PACS2: variants seen among roughly 807,000 people sequenced by gnomAD.
The protein encoded by PACS2 is PACS1-like protein.
Under a neutral mutation model 113.0 loss-of-function variants are expected in PACS2, and 36 were observed. That is an observed-to-expected ratio of 0.32 (90% CI 0.24 to 0.42). The LOEUF is 0.42. Among genes scored for constraint, PACS2 ranks in the 10% least tolerant of loss-of-function variants. The pLI, the probability that PACS2 is intolerant of heterozygous loss-of-function variation, is 1.00. For missense variants in PACS2, 1,015 were observed against 1,239.5 expected, an observed-to-expected ratio of 0.82 and a Z score of 2.72; for synonymous variants, 589 against 536.1, an observed-to-expected ratio of 1.10 and a Z score of -1.36.
chr14:105,354,999 G>C lies in PACS2; in HGVS notation c.298-53G>C. ...TGGCTGGGCCGTCAGAGGCCGTGAT[G>C]CTGCCTGGGGCCCCGGTGCACCCTC... is the stretch of plus-strand genomic sequence containing the variant. On this transcript the variant is annotated intron_variant, in intron 3 of 24. Coordinates refer to ENST00000447393, the MANE Select transcript of PACS2 (RefSeq NM_001100913.3). This position sits in a 1 kb window ranked among gnomAD's most constrained non-coding sequence, Gnocchi z 4.2. The C allele has an allele frequency of 6.3e-7, 1 of 1,593,634 alleles. No homozygotes were observed.
intron 8 of PACS2, chr14:105,371,079 C>T (rs2061132092): frequency 6.6e-6 from 1 of 152,310 alleles, no homozygotes; most frequent in Non-Finnish European, 1.5e-5. Flanking sequence ...TGTGCCGAAA[C>T]AGGTGCTTTG....
intron 1 of PACS2, among the ~76,000 whole-genome samples, chr14:105,322,496 C>T: frequency 6.6e-6 from 1 of 151,164 alleles, no homozygotes. Context: ...GAACTCCTGA[C>T]CTCAAATGAT....
At chr14:105,392,373 G>C in intron 22 of PACS2, 1 of 551,086 alleles carries the variant, frequency 1.8e-6, no homozygotes, top group Non-Finnish European at 3.3e-6. Flanking sequence ...TTGGAGAGCA[G>C]GTGGACAGGC....
intron 1 of PACS2, among the ~76,000 whole-genome samples, chr14:105,341,458 C>T (rs959405349): frequency 1.2e-4 from 18 of 152,186 alleles, no homozygotes; most frequent in African/African-American, 4.3e-4. Context: ...CTTTGCTTCA[C>T]TTTCGTTGCT....
rs781891896 is a variant in PACS2 at position 105,368,461 on chromosome 14, C to T, written c.663C>T (p.Asp221=). 5.0e-6 allele frequency: 8 copies of T among 1,613,534 alleles called. No individual in the cohort carries two copies. The highest frequency in any genetic ancestry group is 1.7e-5 in the Admixed American group (1 of 60,030). Reference sequence around the variant, plus strand: ...AGCCACTGCATATGTCTCTGCAGGACTTGGACGAGGACGACTTTGACGTGG... The same window carrying T: ...AGCCACTGCATATGTCTCTGCAGGATTTGGACGAGGACGACTTTGACGTGG... ...EASDDAVQGQ[D]LDEDDFDVGK... The change falls in exon 7 of 25, where the codon GAC becomes GAT. Residue 221 remains aspartate (D), a splice_region_variant and synonymous_variant. Coordinates refer to ENST00000447393, the MANE Select transcript of PACS2 (RefSeq NM_001100913.3).
At chr14:105,386,881 C>A (rs913823283) in intron 19 of PACS2, among the ~76,000 whole-genome samples, 7 of 152,164 alleles carry the variant, frequency 4.6e-5, no homozygotes, top group Non-Finnish European at 5.9e-5. Context: ...CCCCAGCAGC[C>A]TCCGCCCTTG....
At chr14:105,394,324 C>G in intron 24 of PACS2, 1 of 985,172 alleles carries the variant, frequency 1.0e-6, no homozygotes, top group Non-Finnish European at 1.2e-6. Flanking sequence ...GCCCTCCCCA[C>G]CCCCCAGGGC....
chr14:105,368,228 AC>A, intron 6 of PACS2, 81 bp downstream of exon 6: 1 of 1,061,338 alleles, frequency 9.4e-7, no homozygotes, highest in Non-Finnish European at 1.4e-6. Flanking sequence ...ACCAGCTGTC[AC>A]CAGGGCCTCG....
intron 19 of PACS2, among the ~76,000 whole-genome samples, chr14:105,387,613 G>A (rs2081222078): frequency 6.6e-6 from 1 of 152,370 alleles, no homozygotes; most frequent in South Asian, 2.1e-4. Flanking sequence ...ATTGGCCCAT[G>A]TCCAGGGCTG....
rs1460159692 is a variant in PACS2 at position 105,356,719 on chromosome 14, G to A, written c.423+1542G>A. Reference sequence around the variant, plus strand: ...CCTGTGTTTCCCATTAGCCATGCAGGCGAGGTCCTGCTGATCCCTGCCGGT... The same window carrying A: ...CCTGTGTTTCCCATTAGCCATGCAGACGAGGTCCTGCTGATCCCTGCCGGT... On this transcript the variant is annotated intron_variant, in intron 4 of 24. Coordinates refer to ENST00000447393, the MANE Select transcript of PACS2 (RefSeq NM_001100913.3). The surrounding 1 kb of genome is among the most constrained non-coding windows in gnomAD (Gnocchi z 4.0). Among the ~76,000 whole-genome samples, 1 of 150,614 alleles carries A rather than the reference G, an allele frequency of 6.6e-6. No individual in the cohort carries two copies. Among genetic ancestry groups the A allele is most frequent in the African/African-American group, 2.4e-5 (1 of 40,994 alleles).
chr14:105,360,337 C>T (rs782431064), intron 4 of PACS2, among the ~76,000 whole-genome samples: 3 of 151,914 alleles, frequency 2.0e-5, no homozygotes, highest in South Asian at 4.2e-4. Flanking sequence ...GTCAGGTGTT[C>T]GAAACCAGCC....
At position 105,384,872 on chromosome 14, in the gene PACS2, C is replaced by T. The variant is rs782726123; in HGVS notation, c.1892-7C>T. The T allele has an allele frequency of 1.0e-5, 16 of 1,555,532 alleles. No individual in the cohort carries two copies. The highest frequency in any genetic ancestry group is 1.1e-5 in the Non-Finnish European group (13 of 1,143,898). ...GCCTAACCCCCCACCGCCTCCTCCC[C>T]CTGCAGTACAGGACACGCCAGACAT... On this transcript the variant is annotated splice_polypyrimidine_tract_variant and splice_region_variant and intron_variant, in intron 17 of 24. Transcript: ENST00000447393.
At chr14:105,383,951 C>T (rs1177884161) in intron 16 of PACS2, 5 of 285,056 alleles carry the variant, frequency 1.8e-5, no homozygotes, top group Admixed American at 4.9e-5. Context: ...TCTTTAGGTC[C>T]ATACGATGTG....
intron 9 of PACS2, among the ~76,000 whole-genome samples, chr14:105,378,607 CTA>C (rs1469071833): frequency 1.3e-5 from 2 of 152,194 alleles, no homozygotes; most frequent in Non-Finnish European, 2.9e-5. Context: ...CAGGGTCTCC[CTA>C]TGTTTCCCAG....
At position 105,357,964 on chromosome 14, in the gene PACS2, G is replaced by A. The variant is rs2060520085; in HGVS notation, c.423+2787G>A. 6.6e-6 allele frequency among the ~76,000 whole-genome samples: 1 copy of A among 152,214 alleles called. No individual in the cohort carries two copies. Among genetic ancestry groups the A allele is most frequent in the Admixed American group, 6.5e-5 (1 of 15,288 alleles). On this transcript the variant is annotated intron_variant, in intron 4 of 24. Coordinates refer to ENST00000447393, the MANE Select transcript of PACS2 (RefSeq NM_001100913.3). This position sits in a 1 kb window ranked among gnomAD's most constrained non-coding sequence, Gnocchi z 5.1. Reference sequence around the variant, plus strand: ...CCAGGGCTGAGAGTGTGGTGGGAGAGGATGTGGGGGGCACCTGCCCAGGAC... The same window carrying A: ...CCAGGGCTGAGAGTGTGGTGGGAGAAGATGTGGGGGGCACCTGCCCAGGAC...
At position 105,384,023 on chromosome 14, in the gene PACS2, G is replaced by A. The variant is rs1272519512; in HGVS notation, c.1781-330G>A. The A allele has an allele frequency of 1.1e-5, 4 of 348,548 alleles. No homozygotes were observed. In the East Asian group the frequency reaches 1.9e-4, roughly 17 times the overall value. 21.6% of individuals were successfully genotyped at this position (348,548 alleles called of 1,614,324 possible). A position where few individuals can be genotyped will look rare whatever the true frequency, so the allele number is the denominator to read the frequency against. On this transcript the variant is annotated intron_variant, in intron 16 of 24. Transcript: ENST00000447393. The stretch of plus-strand genomic sequence containing the variant: ...TTGACCAGCAGCAAGGCCTGGAGGC[G>A]ACACCTCTCCCGTGTGGCCCTCACG...
chr14:105,383,475 A>G lies in PACS2; in HGVS notation c.1742A>G (p.Asp581Gly), dbSNP rs1481804057. The G allele has an allele frequency of 1.9e-6, 3 of 1,606,748 alleles. No individual in the cohort carries two copies. Among genetic ancestry groups the G allele is most frequent in the Non-Finnish European group, 2.5e-6 (3 of 1,178,118 alleles). The change falls in exon 16 of 25, where the codon GAC becomes GGC. Residue 581 changes from aspartate to glycine, a missense_variant. Asp to Gly is a moderately conservative substitution (Grantham distance 94). Around this residue, in one of 3 missense-constraint regions of PACS2, gnomAD observed 859 missense variants for 1,056.8 expected, o/e 0.81. Coordinates refer to ENST00000447393, the MANE Select transcript of PACS2 (RefSeq NM_001100913.3). ...FVEQLSHKTP[D>G]WLGYMRFLVI... ...GAGCAGCTGTCCCACAAGACACCCG[A>G]CTGGCTCGGCTACATGCGCTTCCTG...
chr14:105,355,981 G>T lies in PACS2; in HGVS notation c.423+804G>T, dbSNP rs1034810950. On this transcript the variant is annotated intron_variant, in intron 4 of 24. Transcript: ENST00000447393. The surrounding 1 kb of genome is among the most constrained non-coding windows in gnomAD (Gnocchi z 4.1). ...GGTCCAGGGGCTGCGGGCGTGAGTG[G>T]TGCTTGGGGCATGTGAAGCTGGGTT... 2.6e-5 allele frequency among the ~76,000 whole-genome samples: 4 copies of T among 152,290 alleles called. No homozygotes were observed. The East Asian group carries it at 7.7e-4, about 29-fold the overall frequency.
At chr14:105,368,283 A>G (rs2061014880) in intron 6 of PACS2, 136 bp downstream of exon 6, 1 of 811,442 alleles carries the variant, frequency 1.2e-6, no homozygotes, top group African/African-American at 1.7e-5. Context: ...TTGGCCGCCC[A>G]TCTCTCGTCT....
Sources: allele counts gnomAD v4.1 joint callset (sites outside exome capture counted in the v4.1 genomes callset), GRCh38; gene constraint gnomAD v4.1.1; regional missense constraint gnomAD v4.1.1; non-coding constraint Gnocchi (gnomAD v3.1); transcripts MANE v1.5; gene names NCBI Gene and HGNC (gene_info 2026-07-23, HGNC 2026-07-21).